The following ARPC1A variants were observed in gnomAD, a reference collection of about 807,000 sequenced individuals.
The protein encoded by ARPC1A is actin related protein 2/3 complex subunit 1A, also known as actin-related protein 2/3 complex subunit 1A.
In ARPC1A, 8 loss-of-function variants were observed where a neutral mutation model predicts 46.9. The ratio of observed to expected loss-of-function variants is 0.17; its 90% CI spans 0.10 to 0.31. ARPC1A has a LOEUF of 0.31. Among genes scored for constraint, ARPC1A ranks in the 10% least tolerant of loss-of-function variants. The probability of loss-of-function intolerance (pLI) is 1.00; values close to 1 mark genes in which losing one functional copy is unlikely to be tolerated. For missense variants in ARPC1A, 286 were observed against 483.6 expected, an observed-to-expected ratio of 0.59 and a Z score of 3.83; for synonymous variants, 152 against 169.0, an observed-to-expected ratio of 0.90 and a Z score of 0.78.
At chr7:99,352,529 A>C (rs1481673017) in intron 5 of ARPC1A, among the ~76,000 whole-genome samples, 2 of 151,420 alleles carry the variant, frequency 1.3e-5, no homozygotes. Flanking sequence ...CATAATACGA[A>C]CTTGTAGTCC....
At chr7:99,333,847 C>G (rs1472398489) in intron 2 of ARPC1A, among the ~76,000 whole-genome samples, 1 of 152,038 alleles carries the variant, frequency 6.6e-6, no homozygotes, top group Non-Finnish European at 1.5e-5. Flanking sequence ...GATAATATGA[C>G]AAGATGAGGC....
chr7:99,333,260 C>G (rs757521151), intron 1 of ARPC1A, 65 bp from the exon 2 acceptor site: 42 of 1,022,814 alleles, frequency 4.1e-5, no homozygotes, highest in African/African-American at 6.4e-5. Context: ...CCTCAGGCAA[C>G]TTAAACATTG....
chr7:99,362,142 A>G (rs1378678183), intron 8 of ARPC1A, among the ~76,000 whole-genome samples: 4 of 151,636 alleles, frequency 2.6e-5, no homozygotes, highest in African/African-American at 9.7e-5. Flanking sequence ...TAAAAATACA[A>G]AAATTCGCCA....
chr7:99,345,752 A>G (rs570661448), intron 4 of ARPC1A, among the ~76,000 whole-genome samples: 3 of 152,296 alleles, frequency 2.0e-5, no homozygotes, highest in Non-Finnish European at 4.4e-5. Flanking sequence ...CTAAACTGGC[A>G]GTGTTTGTGT....
chr7:99,350,835 T>TG (rs1178965849), intron 5 of ARPC1A, among the ~76,000 whole-genome samples: 2 of 151,174 alleles, frequency 1.3e-5, no homozygotes, highest in Non-Finnish European at 3.0e-5. Flanking sequence ...TTTGTAGAGA[T>TG]GGGGTCTCAC....
At chr7:99,326,319 A>C (rs1793047100) in intron 1 of ARPC1A, among the ~76,000 whole-genome samples, 1 of 152,178 alleles carries the variant, frequency 6.6e-6, no homozygotes, top group Non-Finnish European at 1.5e-5. Context: ...AATTGTGTCA[A>C]GTAGGAGGAT....
In ARPC1A at chr7:99,338,252, C is replaced by G; in HGVS notation, c.136C>G (p.His46Asp). ...GAACGGGAGCCAGTGGGTGAAAGCT[C>G]ATGAACTCAAGGAGCACAACGGACA... Reference protein sequence around the residue: ...KKNGSQWVKAHELKEHNGHIT... With the variant: ...KKNGSQWVKADELKEHNGHIT... Residue 46 changes from histidine to aspartate, a missense_variant, in exon 3 of 10, where the codon CAT (histidine) becomes GAT (aspartate). Transcript: ENST00000262942. The G allele has an allele frequency of 1.9e-6, 3 of 1,612,720 alleles. No homozygotes were observed. Among genetic ancestry groups the G allele is most frequent in the Non-Finnish European group, 2.5e-6 (3 of 1,179,264 alleles).
chr7:99,352,317 C>A (rs1260905130), intron 5 of ARPC1A, among the ~76,000 whole-genome samples: 1 of 152,092 alleles, frequency 6.6e-6, no homozygotes, highest in African/African-American at 2.4e-5. Context: ...TACTTCAGAA[C>A]CTGGCACCCA....
chr7:99,359,447 A>C, intron 7 of ARPC1A, 98 bp from the exon 8 acceptor site: 1 of 1,273,802 alleles, frequency 7.9e-7, no homozygotes, highest in Non-Finnish European at 1.1e-6. Flanking sequence ...AAAAAAAAAA[A>C]AAAAAAGAGT....
Position 99,353,113 on chromosome 7 carries a change from T to TTTATGTTATGTTATGTTATG in ARPC1A, c.501-756_501-737dup, listed in dbSNP as rs201492356. Reference sequence around the variant, plus strand: ...ATTATTTTAGTTTAGTTTAGTTTAGTTTATGTTATGTTATGTTATGTTATG... The same window carrying TTTATGTTATGTTATGTTATG: ...ATTATTTTAGTTTAGTTTAGTTTAGTTTATGTTATGTTATGTTATGTTATGTTATGTTATGTTATGTTATG... On this transcript the variant is annotated intron_variant, in intron 5 of 9. Transcript: ENST00000262942. Among the ~76,000 whole-genome samples, 28 of 136,716 alleles carry TTTATGTTATGTTATGTTATG rather than the reference T, an allele frequency of 2.0e-4. 1 individual carries two copies. The highest frequency in any genetic ancestry group is 1.0e-3 in the Admixed American group (14 of 13,372). 89.7% of individuals were successfully genotyped at this position (136,716 alleles called of 152,430 possible). A position where few individuals can be genotyped will look rare whatever the true frequency, so the allele number is the denominator to read the frequency against.
chr7:99,348,475 G>A (rs1391995969), intron 4 of ARPC1A, among the ~76,000 whole-genome samples: 2 of 152,152 alleles, frequency 1.3e-5, no homozygotes, highest in South Asian at 2.1e-4. Context: ...GGGAGGCTGA[G>A]GCCGGTAGAT....
intron 4 of ARPC1A, among the ~76,000 whole-genome samples, chr7:99,345,683 T>C (rs547788584): frequency 6.6e-6 from 1 of 152,104 alleles, no homozygotes; most frequent in South Asian, 2.1e-4. Flanking sequence ...TATTTTTCTG[T>C]GTGGCATGTG....
chr7:99,362,523 T>C (rs1004728054), intron 8 of ARPC1A, among the ~76,000 whole-genome samples: 3 of 150,074 alleles, frequency 2.0e-5, no homozygotes, highest in African/African-American at 4.9e-5. Context: ...TTGTATCTTT[T>C]AGTAGAGACA....
intron 3 of ARPC1A, 138 bp downstream of exon 3, chr7:99,338,423 T>G: frequency 1.8e-6 from 1 of 565,574 alleles, no homozygotes. Context: ...TATCACTCTT[T>G]CGCCCAGGCT....
At chr7:99,354,541 A>AC (rs1246893405) in intron 6 of ARPC1A, among the ~76,000 whole-genome samples, 1 of 151,138 alleles carries the variant, frequency 6.6e-6, no homozygotes, top group African/African-American at 2.4e-5. Context: ...AAAAAAAAAA[A>AC]ACACCTCAAT....
intron 3 of ARPC1A, among the ~76,000 whole-genome samples, chr7:99,343,466 CAA>C (rs1181327939): frequency 2.5e-5 from 3 of 119,986 alleles, no homozygotes; most frequent in Non-Finnish European, 1.8e-5. Flanking sequence ...AACTCCATCT[CAA>C]AAAAAAAAAA....
At position 99,365,986 on chromosome 7, in the gene ARPC1A, C is replaced by A; in HGVS notation, c.*57C>A. The A allele has an allele frequency of 6.5e-7, 1 of 1,534,204 alleles. No homozygotes were observed. The highest frequency in any genetic ancestry group is 2.4e-5 in the East Asian group (1 of 41,454). On this transcript the variant is annotated 3_prime_UTR_variant, in exon 10 of 10. Transcript: ENST00000262942. ...AAACTGTGGCCGACCGCAGCTGTGCCGTGGCACGATGGCGAGGAAGCCAGC... is the reference window on the plus strand; with the variant it reads ...AAACTGTGGCCGACCGCAGCTGTGCAGTGGCACGATGGCGAGGAAGCCAGC...
intron 8 of ARPC1A, chr7:99,360,130 C>A: frequency 4.8e-6 from 1 of 209,228 alleles, no homozygotes; most frequent in Non-Finnish European, 9.8e-6. Context: ...TAACAGAAAG[C>A]GAAGTTACAG....
intron 9 of ARPC1A, among the ~76,000 whole-genome samples, chr7:99,363,926 T>A (rs748989867): frequency 7.2e-5 from 11 of 152,218 alleles, no homozygotes; most frequent in Non-Finnish European, 1.5e-4. Flanking sequence ...AATGTCCTAA[T>A]GTAAGACATT....
Sources: gnomAD v4.1 joint callset for allele counts (sites outside exome capture counted in the v4.1 genomes callset) on GRCh38, gnomAD v4.1.1 for gene constraint, MANE v1.5 for transcripts, NCBI Gene and HGNC (gene_info 2026-07-23, HGNC 2026-07-21) for gene names.